ABTB2: variants seen among roughly 807,000 people sequenced by gnomAD.
The protein encoded by ABTB2 is ankyrin repeat and BTB domain containing 2.
ABTB2 carries 56 observed loss-of-function variants against 104.1 expected under a neutral mutation model. The observed-to-expected ratio is 0.54, with a 90% CI of 0.43 to 0.67. The LOEUF (loss-of-function observed/expected upper bound fraction) is 0.67. Ranked by LOEUF, ABTB2 falls within the 30% of genes least tolerant of loss-of-function variation. The pLI is 0.00. For synonymous variants in ABTB2, 606 were observed against 608.2 expected, an observed-to-expected ratio of 1.00 and a Z score of 0.05; for missense variants, 1,279 against 1,407.7, an observed-to-expected ratio of 0.91 and a Z score of 1.46.
intron 1 of ABTB2, among the ~76,000 whole-genome samples, chr11:34,322,714 C>T (rs1376064922): frequency 3.3e-5 from 5 of 152,134 alleles, no homozygotes; most frequent in African/African-American, 1.2e-4. Context: ...CTCTGTCACC[C>T]AGGCTCTAAT....
At chr11:34,317,462 G>C (rs1352551629) in intron 1 of ABTB2, among the ~76,000 whole-genome samples, 1 of 152,130 alleles carries the variant, frequency 6.6e-6, no homozygotes, top group East Asian at 1.9e-4. Flanking sequence ...AACAGTAAGA[G>C]AAACACTTGG....
chr11:34,190,026 G>A (rs1853151765), intron 3 of ABTB2, among the ~76,000 whole-genome samples: 1 of 152,190 alleles, frequency 6.6e-6, no homozygotes. Context: ...GATCACTTGA[G>A]GACAGGAGTT....
intron 2 of ABTB2, 94 bp downstream of exon 2, chr11:34,204,450 T>C (rs1254106604): frequency 6.9e-7 from 1 of 1,439,012 alleles, no homozygotes; most frequent in Admixed American, 2.4e-5. Context: ...CCAGAGCACT[T>C]GGAGGAGGAG....
At chr11:34,346,846 C>T (rs893397417) in intron 1 of ABTB2, among the ~76,000 whole-genome samples, 19 of 152,310 alleles carry the variant, frequency 1.2e-4, no homozygotes, top group Admixed American at 3.3e-4. Context: ...TGCTTGTGCA[C>T]GTACACCCAC....
In ABTB2 at chr11:34,301,352, G is replaced by A. The variant is rs185300720; in HGVS notation, c.883+55349C>T. ...TTTCAGGTCCTGGGATAGCAGATAA[G>A]GCCCTGTGTACTTGAACTAGATATT... is the stretch of plus-strand genomic sequence containing the variant. On this transcript the variant is annotated intron_variant, in intron 1 of 16. Coordinates refer to ENST00000435224, the MANE Select transcript of ABTB2 (RefSeq NM_145804.3). 3.3e-5 allele frequency among the ~76,000 whole-genome samples: 5 copies of A among 152,250 alleles called. No homozygotes were observed. The East Asian group carries it at 9.7e-4, about 29-fold the overall frequency.
At position 34,327,473 on chromosome 11, in the gene ABTB2, C is replaced by T. The variant is rs576208853; in HGVS notation, c.883+29228G>A. 1.7e-4 allele frequency among the ~76,000 whole-genome samples: 26 copies of T among 152,280 alleles called. No individual in the cohort carries two copies. In the South Asian group the frequency reaches 5.4e-3, roughly 32 times the overall value. On this transcript the variant is annotated intron_variant, in intron 1 of 16. Coordinates refer to ENST00000435224, the MANE Select transcript of ABTB2 (RefSeq NM_145804.3). ...CAGGGGAAACGTGGCCTGGCTCTCA[C>T]TCTCAGGCCTCAGGCACATTTGGTT... is the stretch of plus-strand genomic sequence containing the variant.
At chr11:34,308,274 A>G (rs148547298) in intron 1 of ABTB2, among the ~76,000 whole-genome samples, 105 of 152,368 alleles carry the variant, frequency 6.9e-4, no homozygotes, top group African/African-American at 2.4e-3. Flanking sequence ...CACCTGACAC[A>G]TAACAAGTCC....
chr11:34,315,277 G>A (rs561211011), intron 1 of ABTB2, among the ~76,000 whole-genome samples: 1 of 152,204 alleles, frequency 6.6e-6, no homozygotes, highest in Non-Finnish European at 1.5e-5. Flanking sequence ...GGGCACTGAG[G>A]TTCCTGGGTT....
At position 34,318,004 on chromosome 11, in the gene ABTB2, C is replaced by T. The variant is rs999414654; in HGVS notation, c.883+38697G>A. On this transcript the variant is annotated intron_variant, in intron 1 of 16. Coordinates refer to ENST00000435224, the MANE Select transcript of ABTB2 (RefSeq NM_145804.3). ...TTGAGACATAGCCTCGCTCTGTCAC[C>T]CAGGCTGGATGAAGTACAGTGGCAC... 7.9e-5 allele frequency among the ~76,000 whole-genome samples: 12 copies of T among 151,564 alleles called. No homozygotes were observed. In the South Asian group the frequency reaches 2.5e-3, roughly 32 times the overall value.
chr11:34,298,863 C>T (rs1198224311), intron 1 of ABTB2, among the ~76,000 whole-genome samples: 3 of 152,166 alleles, frequency 2.0e-5, no homozygotes, highest in African/African-American at 4.8e-5. Context: ...TTCCTATGAA[C>T]AACTGGGCCT....
At chr11:34,347,303 G>A (rs1345533098) in intron 1 of ABTB2, among the ~76,000 whole-genome samples, 3 of 152,146 alleles carry the variant, frequency 2.0e-5, no homozygotes, top group African/African-American at 7.2e-5. Flanking sequence ...AGGTGTGGTG[G>A]TGCCTGCCTA....
chr11:34,319,511 T>G (rs990684082), intron 1 of ABTB2, among the ~76,000 whole-genome samples: 7 of 152,196 alleles, frequency 4.6e-5, no homozygotes, highest in Non-Finnish European at 1.0e-4. Flanking sequence ...TGCAGTGCTG[T>G]CTGTCACCTC....
chr11:34,348,958 G>T (rs1323201254), intron 1 of ABTB2, among the ~76,000 whole-genome samples: 1 of 152,122 alleles, frequency 6.6e-6, no homozygotes, highest in Non-Finnish European at 1.5e-5. Flanking sequence ...CCATTGCCTT[G>T]GATGTAGCTG....
intron 1 of ABTB2, among the ~76,000 whole-genome samples, chr11:34,253,433 T>A (rs757320321): frequency 6.6e-6 from 1 of 152,204 alleles, no homozygotes; most frequent in Non-Finnish European, 1.5e-5. Flanking sequence ...ATCCCAGCAC[T>A]TTGGGAGGCC....
intron 1 of ABTB2, among the ~76,000 whole-genome samples, chr11:34,319,420 G>A (rs1013374246): frequency 2.0e-5 from 3 of 152,240 alleles, no homozygotes; most frequent in Admixed American, 2.0e-4. Context: ...CAGCAGGGGA[G>A]GAGAAACCTA....
intron 7 of ABTB2, among the ~76,000 whole-genome samples, chr11:34,166,455 T>C (rs1039669004): frequency 1.3e-5 from 2 of 152,238 alleles, no homozygotes; most frequent in African/African-American, 4.8e-5. Flanking sequence ...GCTCCGGTTC[T>C]TATAAGGCAA....
chr11:34,175,987 C>A (rs1291083391), intron 3 of ABTB2, among the ~76,000 whole-genome samples: 1 of 151,842 alleles, frequency 6.6e-6, no homozygotes, highest in South Asian at 2.1e-4. Flanking sequence ...CCCACCCCCC[C>A]AAAAAAAAGG....
intron 3 of ABTB2, among the ~76,000 whole-genome samples, chr11:34,196,837 C>CA (rs1853262698): frequency 2.0e-5 from 3 of 152,226 alleles, no homozygotes; most frequent in African/African-American, 7.2e-5. Flanking sequence ...GGGCAAAACA[C>CA]ACCCAGGACC....
intron 1 of ABTB2, among the ~76,000 whole-genome samples, chr11:34,206,602 T>C (rs1853410432): frequency 6.6e-6 from 1 of 152,204 alleles, no homozygotes; most frequent in Admixed American, 6.5e-5. Context: ...CTCATGGCTG[T>C]CCTTATGTGT....
Sources: allele counts gnomAD v4.1 joint callset (sites outside exome capture counted in the v4.1 genomes callset), GRCh38; gene constraint gnomAD v4.1.1; transcripts MANE v1.5; gene names NCBI Gene and HGNC (gene_info 2026-07-23, HGNC 2026-07-21).